The following CASP6 variants were observed in gnomAD, a reference collection of about 807,000 sequenced individuals.
CASP6 encodes caspase-6.
CASP6 carries 20 observed loss-of-function variants against 31.8 expected under a neutral mutation model. That is an observed-to-expected ratio of 0.63 (90% CI 0.44 to 0.91). The LOEUF is 0.91. Among genes scored for constraint, CASP6 ranks in the 40% least tolerant of loss-of-function variants. The pLI, the probability that CASP6 is intolerant of heterozygous loss-of-function variation, is 0.00. For synonymous variants in CASP6, 130 were observed against 127.8 expected (o/e 1.02, Z -0.12); for missense variants, 328 against 361.1 (o/e 0.91, Z 0.74).
chr4:109,688,470 T>C (rs1160690050), downstream of CASP6: 1 of 152,214 alleles, frequency 6.6e-6, no homozygotes, highest in Admixed American at 6.5e-5. Context: ...ACAACAATTC[T>C]GGAATGCTGA....
chr4:109,681,480 G>A, the CASP6 span: 4,056 of 453,064 alleles, frequency 9.0e-3, 45 homozygotes, highest in East Asian at 0.029. Context: ...CAAGATGGTC[G>A]TGGGCCACTT....
At chr4:109,701,893 T>A (rs981991683) in intron 1 of CASP6, among the ~76,000 whole-genome samples, 1 of 152,064 alleles carries the variant, frequency 6.6e-6, no homozygotes, top group African/African-American at 2.4e-5. Context: ...TGTAGGCCCA[T>A]CCCCACGCAG....
At position 109,690,985 on chromosome 4, in the gene CASP6, C is replaced by T; in HGVS notation, c.508G>A (p.Val170Met). 5.0e-6 allele frequency: 8 copies of T among 1,612,336 alleles called. No individual in the cohort carries two copies. The highest frequency in any genetic ancestry group is 1.3e-5 in the African/African-American group (1 of 74,966). ...IQACRGNQHD[V>M]PVIPLDVVDN... ...ACTACATCCAAAGGAATGACTGGCA[C>T]ATCGTGCTGGTTTCCCCGACATGCC... The change falls in exon 6 of 7, where the codon GTG (valine) becomes ATG (methionine). Residue 170 changes from valine (V) to methionine (M), a missense_variant. Transcript: ENST00000265164.
In CASP6 at chr4:109,696,493, G is replaced by A. The variant is rs5030561; in HGVS notation, c.231-7C>T. The A allele has an allele frequency of 6.4e-3, 10,230 of 1,594,814 alleles. 517 individuals are homozygous for A. The African/African-American group carries it at 0.12, about 19-fold the overall frequency. ...AAATCCTAGATCTGAAAACCTAGTG[G>A]TATATTAAATGAAATGTTAGCCTAT... On this transcript the variant is annotated splice_polypyrimidine_tract_variant and splice_region_variant and intron_variant, in intron 3 of 6. Transcript: ENST00000265164.
intron 1 of CASP6, among the ~76,000 whole-genome samples, chr4:109,702,062 C>T (rs1730436120): frequency 6.6e-6 from 1 of 152,200 alleles, no homozygotes; most frequent in African/African-American, 2.4e-5. Flanking sequence ...GTAGAGTAAC[C>T]TCCATCAGGC....
At chr4:109,678,821 G>A in the CASP6 span, among the ~76,000 whole-genome samples, 6 of 147,826 alleles carry the variant, frequency 4.1e-5, no homozygotes, top group Admixed American at 3.4e-4. Context: ...ATTCCCAGAC[G>A]GGGCAGCTGG....
At chr4:109,676,407 C>T in the CASP6 span, among the ~76,000 whole-genome samples, 1 of 152,046 alleles carries the variant, frequency 6.6e-6, no homozygotes, top group African/African-American at 2.4e-5. Context: ...ATGGTAAAGG[C>T]CAATCTGATA....
chr4:109,697,767 C>T lies in CASP6; in HGVS notation c.85G>A (p.Glu29Lys). ...TACTTTTCTGCCGGATCAAACATTT[C>T]TCTGTTAATGAAAAGTTGAAAAACA... The part of the protein sequence containing the change: ...MTETDAFYKR[E>K]MFDPAEKYKM... The change falls in exon 3 of 7, where the codon GAA becomes AAA. Residue 29 changes from glutamate to lysine, a missense_variant and splice_region_variant. Coordinates refer to ENST00000265164, the MANE Select transcript of CASP6 (RefSeq NM_001226.4). The T allele has an allele frequency of 6.2e-7, 1 of 1,612,024 alleles. No homozygotes were observed. The highest frequency in any genetic ancestry group is 1.1e-5 in the South Asian group (1 of 90,548).
chr4:109,697,447 T>C (rs984293159), intron 3 of CASP6, among the ~76,000 whole-genome samples, 175 bp downstream of exon 3: 7 of 152,038 alleles, frequency 4.6e-5, no homozygotes, highest in African/African-American at 1.7e-4. Context: ...TTTTATTTTT[T>C]GTAGAGACCA....
upstream of CASP6, among the ~76,000 whole-genome samples, chr4:109,706,021 TATATATATATA>T (rs1730600412): frequency 1.0e-5 from 1 of 98,116 alleles, no homozygotes; most frequent in African/African-American, 4.5e-5. Flanking sequence ...TATATATATA[TATATATATATA>T]ATATATATAA....
chr4:109,686,348 A>C (rs568724070), downstream of CASP6, among the ~76,000 whole-genome samples: 54 of 152,284 alleles, frequency 3.5e-4, no homozygotes, highest in African/African-American at 1.2e-3. Context: ...TATGTTGTCC[A>C]GGCTGGTCTC....
intron 5 of CASP6, among the ~76,000 whole-genome samples, chr4:109,691,450 T>TA (rs1250500800): frequency 6.6e-6 from 1 of 152,138 alleles, no homozygotes; most frequent in Non-Finnish European, 1.5e-5. Flanking sequence ...TGTTAGGAGT[T>TA]AAAATGACAT....
chr4:109,687,440 G>T (rs1729872728), downstream of CASP6: 2 of 1,011,578 alleles, frequency 2.0e-6, no homozygotes, highest in African/African-American at 1.6e-5. Context: ...TAAGTTTATA[G>T]AATTCCTCTC....
In CASP6 at chr4:109,691,019, A is replaced by G. The variant is rs1730039132; in HGVS notation, c.484-10T>C. On this transcript the variant is annotated splice_polypyrimidine_tract_variant and intron_variant, in intron 5 of 6. Transcript: ENST00000265164. ...GGTTTCCCCGACATGCCTACAAGAC[A>G]AGGAGGAAAAACCCACCTCTTTGCC... is the stretch of plus-strand genomic sequence containing the variant. The G allele has an allele frequency of 1.2e-6, 2 of 1,603,480 alleles. No individual in the cohort carries two copies. Among genetic ancestry groups the G allele is most frequent in the Admixed American group, 1.7e-5 (1 of 58,706 alleles).
At chr4:109,665,698 A>AT in the CASP6 span, among the ~76,000 whole-genome samples, 1 of 151,908 alleles carries the variant, frequency 6.6e-6, no homozygotes, top group Non-Finnish European at 1.5e-5. Context: ...TTTTTATTAG[A>AT]TTTTTTTCCC....
At chr4:109,706,040 T>TATATATATAA (rs1202688202), upstream of CASP6, among the ~76,000 whole-genome samples, 1 of 97,940 alleles carries the variant, frequency 1.0e-5, no homozygotes, top group African/African-American at 3.8e-5. Flanking sequence ...ATAATATATA[T>TATATATATAA]AAAATACATA....
chr4:109,692,797 C>T (rs962800870), intron 5 of CASP6: 6 of 152,216 alleles, frequency 3.9e-5, no homozygotes, highest in Non-Finnish European at 8.8e-5. Flanking sequence ...ACAGACATTC[C>T]AATGCAGTTG....
At chr4:109,694,851 G>C (rs901466857) in intron 4 of CASP6, 151 bp from the exon 5 acceptor site, 1 of 762,810 alleles carries the variant, frequency 1.3e-6, no homozygotes, top group Non-Finnish European at 1.9e-6. Flanking sequence ...GTTTTTTTGA[G>C]ACAGAGTTTC....
chr4:109,703,239 CCGAAGGAA>C, intron 1 of CASP6, 109 bp downstream of exon 1: 1 of 1,225,804 alleles, frequency 8.2e-7, no homozygotes, highest in South Asian at 1.4e-5. Flanking sequence ...CCCTGCAAAG[CCGAAGGAA>C]CCCGCGGCCC....
Sources: allele counts gnomAD v4.1 joint callset (sites outside exome capture counted in the v4.1 genomes callset), GRCh38; gene constraint gnomAD v4.1.1; transcripts MANE v1.5; gene names NCBI Gene and HGNC (gene_info 2026-07-23, HGNC 2026-07-21).